MAP1B: variants seen among roughly 807,000 people sequenced by gnomAD.
MAP1B encodes microtubule-associated protein 1B.
In MAP1B, 12 loss-of-function variants were observed where a neutral mutation model predicts 176.1. The observed-to-expected ratio is 0.07, with a 90% confidence interval of 0.04 to 0.11. MAP1B has a LOEUF of 0.11. MAP1B is among the 10% of genes least tolerant of loss of function. MAP1B has a pLI of 1.00. For synonymous variants in MAP1B, 1,044 were observed against 1,135.0 expected (o/e 0.92, Z 1.61); for missense variants, 2,523 against 2,990.5 (o/e 0.84, Z 3.65).
At position 72,196,864 on chromosome 5, in the gene MAP1B, A is replaced by G. The variant is rs1417294669; in HGVS notation, c.3509A>G (p.Tyr1170Cys). 1 of 1,614,118 alleles carries G rather than the reference A, an allele frequency of 6.2e-7. No homozygotes were observed. The highest frequency in any genetic ancestry group is 1.3e-5 in the African/African-American group (1 of 74,942). The change falls in exon 5 of 7, where the codon TAT (tyrosine) becomes TGT (cysteine). Residue 1170 changes from tyrosine (Y) to cysteine (C), a missense_variant. Tyr to Cys is a radical substitution (Grantham distance 194). This residue lies in a region of MAP1B where 1,925 missense variants were observed against 2,126.0 expected (regional missense o/e 0.91). Coordinates refer to ENST00000296755, the MANE Select transcript of MAP1B (RefSeq NM_005909.5). The surrounding 1 kb of genome is among the most constrained non-coding windows in gnomAD (Gnocchi z 5.3). ...ATCACCAAATATGAATCTTCATTGT[A>G]TTCTCAGGAATACTCTAAACCTGCT... ...VNITKYESSL[Y>C]SQEYSKPADV... is the part of the protein sequence containing the mutation.
chr5:72,203,274 T>G (rs907417471), intron 5 of MAP1B, among the ~76,000 whole-genome samples: 2 of 152,232 alleles, frequency 1.3e-5, no homozygotes, highest in Admixed American at 1.3e-4. Context: ...GGGAAAGGCC[T>G]TCAAACTCTT....
chr5:72,167,611 A>G (rs1044248999), intron 2 of MAP1B, among the ~76,000 whole-genome samples: 2 of 152,248 alleles, frequency 1.3e-5, no homozygotes, highest in African/African-American at 4.8e-5. Context: ...TCTTTAAATC[A>G]AATAAAAACA....
At chr5:72,123,469 T>C (rs11952082) in intron 2 of MAP1B, among the ~76,000 whole-genome samples, 62 of 118,474 alleles carry the variant, frequency 5.2e-4, no homozygotes, top group African/African-American at 1.9e-3. Context: ...GCCCAGCTAA[T>C]TTGTTTTTTT....
chr5:72,151,934 A>C (rs1352043778), intron 2 of MAP1B, among the ~76,000 whole-genome samples: 1 of 152,178 alleles, frequency 6.6e-6, no homozygotes, highest in East Asian at 1.9e-4. Flanking sequence ...GAGATAGTAC[A>C]GAGAGTTCTT....
At chr5:72,133,253 T>G (rs961709773) in intron 2 of MAP1B, among the ~76,000 whole-genome samples, 2 of 152,216 alleles carry the variant, frequency 1.3e-5, no homozygotes, top group Non-Finnish European at 2.9e-5. Context: ...CTGCCTGTAC[T>G]TACAGGTGTT....
In MAP1B at chr5:72,122,547, A is replaced by T. The variant is rs76537592; in HGVS notation, c.286+6748A>T. Among the ~76,000 whole-genome samples, 351 of 152,150 alleles carry T rather than the reference A, an allele frequency of 2.3e-3. 1 individual carries two copies. Among genetic ancestry groups the T allele is most frequent in the African/African-American group, 8.0e-3 (331 of 41,468 alleles). On this transcript the variant is annotated intron_variant, in intron 2 of 6. Transcript: ENST00000296755. ...GGTGTGGCCAGCAGAAAGGAATAAA[A>T]TGGCATTTCACTGCCATGTTCAGGC...
At chr5:72,193,295 C>A in intron 4 of MAP1B, 1 of 425,116 alleles carries the variant, frequency 2.4e-6, no homozygotes, top group South Asian at 1.7e-5. Context: ...AAGGAGGCCA[C>A]AACAAGTGCC....
At chr5:72,167,131 A>G (rs1376102054) in intron 2 of MAP1B, among the ~76,000 whole-genome samples, 1 of 152,086 alleles carries the variant, frequency 6.6e-6, no homozygotes, top group African/African-American at 2.4e-5. Flanking sequence ...GAACAAAGGG[A>G]AACAGGGGAT....
At chr5:72,126,292 A>G (rs1257029007) in intron 2 of MAP1B, among the ~76,000 whole-genome samples, 1 of 152,198 alleles carries the variant, frequency 6.6e-6, no homozygotes, top group East Asian at 1.9e-4. Flanking sequence ...TTTCTGTAAA[A>G]TAAAGGGATT....
chr5:72,165,902 A>G (rs953163579), intron 2 of MAP1B, among the ~76,000 whole-genome samples: 5 of 152,192 alleles, frequency 3.3e-5, no homozygotes, highest in African/African-American at 9.7e-5. Context: ...CTGTAGAACC[A>G]GATAGACTAG....
At chr5:72,111,484 C>CT (rs553743616) in intron 1 of MAP1B, among the ~76,000 whole-genome samples, 142 of 152,260 alleles carry the variant, frequency 9.3e-4, no homozygotes, top group South Asian at 5.2e-3. Context: ...GTCCTTCAGT[C>CT]TAAGATGGTA....
chr5:72,200,201 T>C lies in MAP1B; in HGVS notation c.6846T>C (p.Asp2282=), dbSNP rs774908860. 2 of 1,614,180 alleles carry C rather than the reference T, an allele frequency of 1.2e-6. No individual in the cohort carries two copies. Among genetic ancestry groups the C allele is most frequent in the African/African-American group, 2.7e-5 (2 of 75,030 alleles). The change falls in exon 5 of 7, where the codon GAT becomes GAC. Residue 2282 remains aspartate, a synonymous_variant. Transcript: ENST00000296755. ...PKPAGLKESS[D]KVSRVASPKK... is the part of the protein sequence containing the mutation. ...CAGCGGGCTTGAAAGAATCCTCGGA[T>C]AAAGTGTCCAGGGTGGCTTCTCCTA...
At chr5:72,179,773 T>G in intron 2 of MAP1B, 1 of 985,482 alleles carries the variant, frequency 1.0e-6, no homozygotes, top group Non-Finnish European at 1.2e-6. Context: ...AAGGCTTTTG[T>G]TGAAGGAGCA....
chr5:72,110,925 G>T (rs969876569), intron 1 of MAP1B, among the ~76,000 whole-genome samples: 74 of 152,288 alleles, frequency 4.9e-4, no homozygotes, highest in African/African-American at 1.6e-3. Flanking sequence ...GAAGAGAGAT[G>T]GTCCCTCTTG....
intron 2 of MAP1B, among the ~76,000 whole-genome samples, chr5:72,156,821 C>T (rs966382060): frequency 6.6e-6 from 1 of 152,176 alleles, no homozygotes; most frequent in African/African-American, 2.4e-5. Flanking sequence ...CAAAGTACCC[C>T]AGAGGTCCAA....
chr5:72,127,120 G>T (rs554611600), intron 2 of MAP1B, among the ~76,000 whole-genome samples: 1 of 152,362 alleles, frequency 6.6e-6, no homozygotes, highest in East Asian at 1.9e-4. Context: ...GGGATTATCT[G>T]CAGGTTGAAG....
Position 72,197,293 on chromosome 5 carries a change from C to T in MAP1B, c.3938C>T (p.Pro1313Leu), listed in dbSNP as rs267600676. The change falls in exon 5 of 7, where the codon CCT becomes CTT. Residue 1313 changes from proline (P) to leucine (L), a missense_variant. Pro to Leu is a moderately conservative substitution (Grantham distance 98). Transcript: ENST00000296755. ...QEVVEEHCAS[P>L]EDKTLEVVSP... ...GTAGTTGAAGAACATTGTGCTAGTC[C>T]TGAGGACAAGACTCTGGAAGTGGTG... is the stretch of plus-strand genomic sequence containing the variant. The T allele has an allele frequency of 6.2e-7, 1 of 1,614,186 alleles. No individual in the cohort carries two copies. Among genetic ancestry groups the T allele is most frequent in the Non-Finnish European group, 8.5e-7 (1 of 1,180,026 alleles).
At chr5:72,121,242 G>A (rs760203872) in intron 2 of MAP1B, among the ~76,000 whole-genome samples, 14 of 152,242 alleles carry the variant, frequency 9.2e-5, no homozygotes, top group Non-Finnish European at 1.5e-4. Flanking sequence ...CCTCCACGCC[G>A]TTCTACACTC....
chr5:72,197,140 C>A lies in MAP1B; in HGVS notation c.3785C>A (p.Ser1262Tyr), dbSNP rs1374630565. The A allele has an allele frequency of 6.2e-7, 1 of 1,614,254 alleles. No homozygotes were observed. The highest frequency in any genetic ancestry group is 2.2e-5 in the East Asian group (1 of 44,884). Reference sequence around the variant, plus strand: ...TCGAAGAGCCCGTCCCTGAGTCCATCTCCACCATCACCCTTAGAAAAGACC... The same window carrying A: ...TCGAAGAGCCCGTCCCTGAGTCCATATCCACCATCACCCTTAGAAAAGACC... Reference protein sequence around the residue: ...SPSKSPSLSPSPPSPLEKTPL... With the variant: ...SPSKSPSLSPYPPSPLEKTPL... Residue 1262 changes from serine (S) to tyrosine (Y), a missense_variant, in exon 5 of 7, where the codon TCT becomes TAT. By Grantham distance (144) the Ser-to-Tyr change is moderately radical. Transcript: ENST00000296755.
Sources: allele counts gnomAD v4.1 joint callset (sites outside exome capture counted in the v4.1 genomes callset), GRCh38; gene constraint gnomAD v4.1.1; regional missense constraint gnomAD v4.1.1; non-coding constraint Gnocchi (gnomAD v3.1); transcripts MANE v1.5; gene names NCBI Gene and HGNC (gene_info 2026-07-23, HGNC 2026-07-21).